Variants in SMARCA4 observed in about 807,000 individuals in gnomAD.
SMARCA4 encodes SWI/SNF-related matrix-associated actin-dependent regulator of chromatin subfamily A member 4.
SMARCA4 carries 31 observed loss-of-function variants against 193.9 expected under a neutral mutation model. The observed-to-expected ratio is 0.16, with a 90% CI of 0.12 to 0.22. The LOEUF (loss-of-function observed/expected upper bound fraction) is 0.22. Among genes scored for constraint, SMARCA4 ranks in the 10% least tolerant of loss-of-function variants. The pLI is 1.00. For synonymous variants in SMARCA4, 942 were observed against 933.1 expected (o/e 1.01, Z -0.17); for missense variants, 1,148 against 2,296.0 (o/e 0.50, Z 10.22).
chr19:10,961,475 G>T (rs997263213), intron 1 of SMARCA4: 3 of 151,674 alleles, frequency 2.0e-5, no homozygotes, highest in Non-Finnish European at 4.4e-5. Flanking sequence ...GACAAAGCTC[G>T]CCCCCCTCGC....
chr19:11,026,238 C>G, intron 22 of SMARCA4, 62 bp from the exon 23 acceptor site: 4 of 1,338,642 alleles, frequency 3.0e-6, no homozygotes, highest in Non-Finnish European at 3.2e-6. Flanking sequence ...TGTGTGCGGA[C>G]CGCAGCGGGG....
At position 11,030,103 on chromosome 19, in the gene SMARCA4, A is replaced by T. The variant is rs1262657640; in HGVS notation, c.3383-627A>T. Among the ~76,000 whole-genome samples, 1 of 152,158 alleles carries T rather than the reference A, an allele frequency of 6.6e-6. No homozygotes were observed. Among genetic ancestry groups the T allele is most frequent in the Non-Finnish European group, 1.5e-5 (1 of 68,038 alleles). On this transcript the variant is annotated intron_variant, in intron 24 of 34. Transcript: ENST00000344626. The surrounding 1 kb of genome is among the most constrained non-coding windows in gnomAD (Gnocchi z 5.5). Reference sequence around the variant, plus strand: ...AACGCTGAGGGCATCGTGGGTTGTCACCCAGGAGACCTGCTCTGGCTCCTT... The same window carrying T: ...AACGCTGAGGGCATCGTGGGTTGTCTCCCAGGAGACCTGCTCTGGCTCCTT...
chr19:10,984,077 C>T lies in SMARCA4; in HGVS notation c.-31-44C>T, dbSNP rs146445210. The stretch of plus-strand genomic sequence containing the variant: ...GTCCCTTGCTATCCCTGTCCTGCCT[C>T]GCCCTTGGTCATGAACCCCAGACTG... On this transcript the variant is annotated intron_variant, in intron 1 of 34. Coordinates refer to ENST00000344626, the MANE Select transcript of SMARCA4 (RefSeq NM_003072.5). The surrounding 1 kb of genome is among the most constrained non-coding windows in gnomAD (Gnocchi z 4.3). 662 of 1,541,142 alleles carry T rather than the reference C, an allele frequency of 4.3e-4. 1 individual carries two copies. The highest frequency in any genetic ancestry group is 5.7e-4 in the Non-Finnish European group (632 of 1,116,372).
rs1290442223 is a variant in SMARCA4 at position 11,041,422 on chromosome 19, G to A, written c.4286G>A (p.Arg1429His). 5.0e-6 allele frequency: 8 copies of A among 1,611,912 alleles called. No homozygotes were observed. The highest frequency in any genetic ancestry group is 2.2e-5 in the South Asian group (2 of 91,068). The part of the protein sequence containing the change: ...AGSSTPTTST[R>H]SRDKDDESKK... ...TCCTCCACCCCGACCACCAGCACCC[G>A]CAGCCGCGACAAGGACGACGAGAGC... Residue 1429 changes from arginine (R) to histidine (H), a missense_variant, in exon 30 of 35, where the codon CGC becomes CAC. This residue lies in a region of SMARCA4 where 141 missense variants were observed against 193.0 expected (regional missense o/e 0.73). Coordinates refer to ENST00000344626, the MANE Select transcript of SMARCA4 (RefSeq NM_003072.5). This position sits in a 1 kb window ranked among gnomAD's most constrained non-coding sequence, Gnocchi z 5.6.
intron 1 of SMARCA4, among the ~76,000 whole-genome samples, chr19:10,967,671 C>G (rs573157431): frequency 3.5e-4 from 51 of 144,908 alleles, no homozygotes; most frequent in Non-Finnish European, 6.5e-4. Flanking sequence ...ACCCTGGCCC[C>G]TTTCAAATGT....
chr19:11,024,856 C>T (rs1451932596), intron 21 of SMARCA4, among the ~76,000 whole-genome samples: 1 of 152,138 alleles, frequency 6.6e-6, no homozygotes, highest in Non-Finnish European at 1.5e-5. Flanking sequence ...ATGCACCAGA[C>T]CCCTTGATTC....
At chr19:11,048,369 TTACA>T (rs2076068898) in intron 30 of SMARCA4, among the ~76,000 whole-genome samples, 1 of 152,160 alleles carries the variant, frequency 6.6e-6, no homozygotes, top group Admixed American at 6.6e-5. Context: ...GTAGCTGGGA[TTACA>T]GGTGCACACC....
rs1371357028 is a variant in SMARCA4 at position 11,034,114 on chromosome 19, A to G, written c.3874-9A>G. On this transcript the variant is annotated splice_polypyrimidine_tract_variant and intron_variant, in intron 27 of 34. Transcript: ENST00000344626. The surrounding 1 kb of genome is among the most constrained non-coding windows in gnomAD (Gnocchi z 7.0). Reference sequence around the variant, plus strand: ...TCCTCAGCGGCACTGACAGTTTGCAATCTTATAGGAGGAAGACGAGGTGCC... The same window carrying G: ...TCCTCAGCGGCACTGACAGTTTGCAGTCTTATAGGAGGAAGACGAGGTGCC... 8 of 1,611,868 alleles carry G rather than the reference A, an allele frequency of 5.0e-6. No homozygotes were observed. The highest frequency in any genetic ancestry group is 6.8e-6 in the Non-Finnish European group (8 of 1,178,648).
At chr19:10,999,763 A>G (rs1405582995) in intron 11 of SMARCA4, among the ~76,000 whole-genome samples, 5 of 152,122 alleles carry the variant, frequency 3.3e-5, no homozygotes, top group African/African-American at 1.2e-4. Flanking sequence ...AAAATCAGCA[A>G]CCTGATTTCC....
intron 34 of SMARCA4, among the ~76,000 whole-genome samples, chr19:11,061,204 A>AAAAAAAAAATATATATATATATATAT (rs1555797070): frequency 2.2e-5 from 1 of 45,226 alleles, no homozygotes; most frequent in South Asian, 6.5e-4. Flanking sequence ...AAAAAAAAAA[A>AAAAAAAAAATATATATATATATATAT]ATATATATAT....
At chr19:11,056,476 T>C (rs939938420) in intron 30 of SMARCA4, 1 of 152,156 alleles carries the variant, frequency 6.6e-6, no homozygotes, top group East Asian at 1.9e-4. Flanking sequence ...TGAACACACG[T>C]TGGGGAAGGA....
intron 11 of SMARCA4, among the ~76,000 whole-genome samples, chr19:11,002,730 T>G: frequency 6.9e-6 from 1 of 145,316 alleles, no homozygotes; most frequent in African/African-American, 2.6e-5. Context: ...GAGGCAGAGG[T>G]TGTAGTGAGC....
rs1270558486 is a variant in SMARCA4, at chr19:10,985,852, A to G, written c.356-337A>G. ...GGGAAGCTCAGGGGCTGCACTGGGA[A>G]TGGAAGTGTTGGGGGTGGGCCTGGC... On this transcript the variant is annotated intron_variant, in intron 3 of 34. Transcript: ENST00000344626. The surrounding 1 kb of genome is among the most constrained non-coding windows in gnomAD (Gnocchi z 4.5). Among the ~76,000 whole-genome samples the G allele has an allele frequency of 6.6e-6, 1 of 152,074 alleles. No homozygotes were observed. The highest frequency in any genetic ancestry group is 1.9e-4 in the East Asian group (1 of 5,178).
intron 30 of SMARCA4, among the ~76,000 whole-genome samples, chr19:11,047,418 T>TG (rs1264128428): frequency 1.3e-5 from 2 of 151,668 alleles, no homozygotes; most frequent in Non-Finnish European, 2.9e-5. Flanking sequence ...AGGTTTTTTT[T>TG]TTTTTTTGGA....
At chr19:10,980,229 A>G (rs1424883592) in intron 1 of SMARCA4, among the ~76,000 whole-genome samples, 1 of 152,096 alleles carries the variant, frequency 6.6e-6, no homozygotes, top group Non-Finnish European at 1.5e-5. Context: ...TTCCTGTTTC[A>G]CTGCAGCCTG....
At chr19:11,014,479 C>CT (rs1217740341) in intron 16 of SMARCA4, among the ~76,000 whole-genome samples, 2 of 152,212 alleles carry the variant, frequency 1.3e-5, no homozygotes, top group African/African-American at 4.8e-5. Context: ...GTAGCTGCAC[C>CT]TCCCCTCGTG....
At chr19:11,010,854 C>G in intron 15 of SMARCA4, 1 of 406,382 alleles carries the variant, frequency 2.5e-6, no homozygotes, top group Non-Finnish European at 4.7e-6. Flanking sequence ...TGCAGCACCT[C>G]CTCAGCATCG....
intron 32 of SMARCA4, 98 bp from the exon 33 acceptor site, chr19:11,059,654 CA>C (rs1372921116): frequency 8.0e-6 from 11 of 1,375,698 alleles, no homozygotes; most frequent in Non-Finnish European, 1.0e-5. Flanking sequence ...ATCAGCTGTC[CA>C]GGGGCAACAC....
At chr19:10,990,434 C>A (rs369489133) in intron 7 of SMARCA4, among the ~76,000 whole-genome samples, 4 of 151,942 alleles carry the variant, frequency 2.6e-5, no homozygotes, top group African/African-American at 9.7e-5. Context: ...ATGTGCCCCA[C>A]GCCTGGCTAA....
Sources: allele counts gnomAD v4.1 joint callset (sites outside exome capture counted in the v4.1 genomes callset), GRCh38; gene constraint gnomAD v4.1.1; regional missense constraint gnomAD v4.1.1; non-coding constraint Gnocchi (gnomAD v3.1); transcripts MANE v1.5; gene names NCBI Gene and HGNC (gene_info 2026-07-23, HGNC 2026-07-21).